The following ASB2 variants were observed in gnomAD, a reference collection of about 807,000 sequenced individuals.
ASB2 encodes ankyrin repeat and SOCS box protein 2.
ASB2 carries 58 observed loss-of-function variants against 62.4 expected under a neutral mutation model. The ratio of observed to expected loss-of-function variants is 0.93; its 90% CI spans 0.75 to 1.16. ASB2 has a LOEUF of 1.16. ASB2 is among the 50% of genes most tolerant of loss of function. ASB2 has a pLI of 0.00. For synonymous variants in ASB2, 386 were observed against 385.3 expected, an observed-to-expected ratio of 1.00 and a Z score of -0.02; for missense variants, 928 against 887.9, an observed-to-expected ratio of 1.05 and a Z score of -0.57.
chr14:93,954,523 C>G lies in ASB2; in HGVS notation c.312-40G>C, dbSNP rs752657949. ...AGTGGGTCAGTCCTCAAGGTCAGGC[C>G]AAGGCCAGGCCAGGGGGCCTCTCTC... On this transcript the variant is annotated intron_variant, in intron 3 of 9. Coordinates refer to ENST00000555019, the MANE Select transcript of ASB2 (RefSeq NM_001202429.2). 11 of 1,601,210 alleles carry G rather than the reference C, an allele frequency of 6.9e-6. No homozygotes were observed. In the South Asian group the frequency reaches 1.2e-4, roughly 18 times the overall value.
chr14:93,951,391 T>G (rs953643935), intron 5 of ASB2, 147 bp from the exon 6 acceptor site: 2 of 937,872 alleles, frequency 2.1e-6, no homozygotes, highest in African/African-American at 3.3e-5. Flanking sequence ...GCATTGAACC[T>G]GGGATAGGCG....
In ASB2 at chr14:93,964,414, CT is replaced by C. The variant is rs1889515384; in HGVS notation, c.125del (p.Lys42ArgfsTer68). On this transcript the variant is annotated frameshift_variant, in exon 2 of 10. Coordinates refer to ENST00000555019, the MANE Select transcript of ASB2 (RefSeq NM_001202429.2). LOFTEE classifies it high-confidence loss of function. ...CCTCAGCAGTGGTTGGGCCCCTTGT[CT>C]TGTCCGCTAGGCTCTGCTCGATGGC... ...QMAIEQSLAD[K>X]TRGPTTAEAT... 6.5e-7 allele frequency: 1 copy of C among 1,535,986 alleles called. No individual in the cohort carries two copies. Among genetic ancestry groups the C allele is most frequent in the Admixed American group, 2.0e-5 (1 of 50,986 alleles).
At chr14:93,969,953 G>A (rs922997269) in intron 1 of ASB2, 9 of 152,244 alleles carry the variant, frequency 5.9e-5, no homozygotes, top group Admixed American at 5.2e-4. Flanking sequence ...CTTCTAAGTT[G>A]GGCCTTAGTC....
At chr14:93,946,240 C>T (rs1888716266) in intron 7 of ASB2, among the ~76,000 whole-genome samples, 1 of 152,188 alleles carries the variant, frequency 6.6e-6, no homozygotes, top group Non-Finnish European at 1.5e-5. Context: ...CGTTTCCTGT[C>T]CTGTAAAATG....
At chr14:93,953,331 A>T (rs749540750) in intron 5 of ASB2, 21 bp downstream of exon 5, 1 of 1,536,008 alleles carries the variant, frequency 6.5e-7, no homozygotes, top group Non-Finnish European at 8.8e-7. Flanking sequence ...AGGAAAGCTC[A>T]CTCCGGGGTG....
At chr14:93,973,304 T>A (rs1031162193) in intron 1 of ASB2, among the ~76,000 whole-genome samples, 14 of 152,180 alleles carry the variant, frequency 9.2e-5, no homozygotes, top group African/African-American at 3.1e-4. Context: ...TCTTGGTGAA[T>A]CTCTCCCGAA....
intron 7 of ASB2, chr14:93,941,402 G>T (rs1446903518): frequency 3.1e-6 from 1 of 320,068 alleles, no homozygotes; most frequent in Non-Finnish European, 6.1e-6. Flanking sequence ...TGGCACACAG[G>T]CTTCCTGGAA....
rs978090581 is a variant in ASB2, at chr14:93,976,517, C to G, written c.-157G>C. ...GTGTCTTAATTCAGAACATGCTCCC[C>G]GAGTTTTCCTTCTGCCCTGGCCCCA... On this transcript the variant is annotated 5_prime_UTR_variant, in exon 1 of 10. Transcript: ENST00000555019. The G allele has an allele frequency of 1.3e-5, 2 of 152,212 alleles. No individual in the cohort carries two copies. The highest frequency in any genetic ancestry group is 2.9e-5 in the Non-Finnish European group (2 of 68,046). 9.4% of individuals were successfully genotyped at this position (152,212 alleles called of 1,614,324 possible).
At chr14:93,950,718 A>G (rs3790054) in intron 6 of ASB2, among the ~76,000 whole-genome samples, 89,255 of 152,010 alleles carry the variant, frequency 0.59, 26,851 homozygotes, top group East Asian at 0.77. Flanking sequence ...TAAAATGAAA[A>G]TGTTGGACTA....
chr14:93,947,459 A>G lies in ASB2; in HGVS notation c.942T>C (p.Asn314=), dbSNP rs759945733. 1 of 1,614,170 alleles carries G rather than the reference A, an allele frequency of 6.2e-7. No individual in the cohort carries two copies. Residue 314 remains asparagine, a synonymous_variant, in exon 7 of 10, where the codon AAT becomes AAC. Transcript: ENST00000555019. ...NASALYEACK[N]EHEEVVEFLL... is the part of the protein sequence containing the mutation. ...GAAACTCCACCACCTCCTCATGCTC[A>G]TTCTTGCAGGCCTCGTAGAGGGCAG...
chr14:93,947,399 G>A lies in ASB2; in HGVS notation c.1002C>T (p.Asn334=), dbSNP rs1461707330. ...LSQGADANKT[N]KDGLLPLHIA... Reference sequence around the variant, plus strand: ...TGTGCAGCGGGAGCAAGCCGTCCTTGTTGGTCTTGTTGGCGTCGGCACCCT... The same window carrying A: ...TGTGCAGCGGGAGCAAGCCGTCCTTATTGGTCTTGTTGGCGTCGGCACCCT... Residue 334 remains asparagine (N), a synonymous_variant, in exon 7 of 10, where the codon AAC becomes AAT. Transcript: ENST00000555019. 1 of 1,614,100 alleles carries A rather than the reference G, an allele frequency of 6.2e-7. No homozygotes were observed. Among genetic ancestry groups the A allele is most frequent in the African/African-American group, 1.3e-5 (1 of 74,948 alleles).
chr14:93,953,973 C>A (rs1252709428), intron 4 of ASB2, among the ~76,000 whole-genome samples: 1 of 152,144 alleles, frequency 6.6e-6, no homozygotes, highest in Non-Finnish European at 1.5e-5. Context: ...TGGGGGATAG[C>A]CTTGGCCGGG....
chr14:93,966,867 C>T (rs1889608931), intron 1 of ASB2, among the ~76,000 whole-genome samples: 1 of 152,128 alleles, frequency 6.6e-6, no homozygotes, highest in Non-Finnish European at 1.5e-5. Context: ...AGTGTGTGGC[C>T]AGAGTTGAGA....
intron 7 of ASB2, 45 bp from the exon 8 acceptor site, chr14:93,939,717 G>T (rs1888443821): frequency 1.5e-6 from 2 of 1,352,642 alleles, no homozygotes; most frequent in Non-Finnish European, 1.9e-6. Flanking sequence ...GGGTCGGGGT[G>T]TGGACGGGTA....
In ASB2 at chr14:93,954,356, A is replaced by G. The variant is rs372797829; in HGVS notation, c.439T>C (p.Tyr147His). The G allele has an allele frequency of 1.4e-5, 22 of 1,613,604 alleles. No homozygotes were observed. Among genetic ancestry groups the G allele is most frequent in the South Asian group, 2.2e-5 (2 of 91,066 alleles). ...EGWLPLHEAA[Y>H]YGQVGCLKVL... ...TTCAGGCAGCCCACCTGGCCATAGTATGCGGCCTCGTGCAGCGGCAGCCAG... is the reference window on the plus strand; with the variant it reads ...TTCAGGCAGCCCACCTGGCCATAGTGTGCGGCCTCGTGCAGCGGCAGCCAG... Residue 147 changes from tyrosine to histidine, a missense_variant, in exon 4 of 10, where the codon TAC becomes CAC. Tyr to His is a moderately conservative substitution (Grantham distance 83). Transcript: ENST00000555019.
At chr14:93,941,644 A>G (rs558734320) in intron 7 of ASB2, 68 of 456,088 alleles carry the variant, frequency 1.5e-4, no homozygotes, top group South Asian at 9.6e-4. Context: ...GCCACGGCCA[A>G]CAAATGCTCT....
chr14:93,971,900 ATG>A (rs558102759), intron 1 of ASB2, among the ~76,000 whole-genome samples: 4 of 151,360 alleles, frequency 2.6e-5, no homozygotes, highest in Non-Finnish European at 4.4e-5. Flanking sequence ...ACTGAAGACT[ATG>A]TGTGTGTGTG....
At chr14:93,938,233 CTTTTTTTTTTTTTTT>C (rs35127276) in intron 8 of ASB2, among the ~76,000 whole-genome samples, 1 of 67,586 alleles carries the variant, frequency 1.5e-5, no homozygotes, top group Non-Finnish European at 2.6e-5. Context: ...TAAGTTCTGA[CTTTTTTTTTTTTTTT>C]TTTTTTTTTT....
intron 1 of ASB2, among the ~76,000 whole-genome samples, chr14:93,969,238 A>G (rs1889684650): frequency 6.6e-6 from 1 of 152,162 alleles, no homozygotes; most frequent in Non-Finnish European, 1.5e-5. Flanking sequence ...ATGCAGTCGT[A>G]GGCTGGTGAC....
Sources: gnomAD v4.1 joint callset for allele counts (sites outside exome capture counted in the v4.1 genomes callset) on GRCh38, gnomAD v4.1.1 for gene constraint, MANE v1.5 for transcripts, NCBI Gene and HGNC (gene_info 2026-07-23, HGNC 2026-07-21) for gene names.